The following ZNF415 variants were observed in gnomAD, a reference collection of about 807,000 sequenced individuals.
ZNF415 encodes zinc finger protein 415.
A neutral mutation model predicts 7.3 loss-of-function variants in ZNF415; 5 were observed. The ratio of observed to expected loss-of-function variants is 0.69; its 90% CI spans 0.36 to 1.44. The LOEUF (loss-of-function observed/expected upper bound fraction) is 1.44, where lower values mean the gene tolerates loss of function less well. Ranked by LOEUF, ZNF415 falls within the 40% of genes most tolerant of loss-of-function variation. The pLI, the probability that ZNF415 is intolerant of heterozygous loss-of-function variation, is 0.04. For missense variants in ZNF415, 628 were observed against 664.8 expected, an observed-to-expected ratio of 0.94 and a Z score of 0.61; for synonymous variants, 207 against 226.3, an observed-to-expected ratio of 0.91 and a Z score of 0.77.
chr19:53,111,340 CT>C (rs61112807), intron 3 of ZNF415, among the ~76,000 whole-genome samples: 13,006 of 104,876 alleles, frequency 0.12, 462 homozygotes, highest in Middle Eastern at 0.17. Flanking sequence ...TATGATATTT[CT>C]TTTTTTTTTT....
chr19:53,128,716 C>T (rs895999104), intron 1 of ZNF415, among the ~76,000 whole-genome samples: 2 of 115,502 alleles, frequency 1.7e-5, no homozygotes, highest in Middle Eastern at 4.4e-3. Context: ...TCTGCTCTTA[C>T]ATAGACTGGA....
At chr19:53,116,182 G>C (rs1457619008) in intron 3 of ZNF415, 131 bp downstream of exon 3, 2 of 1,075,358 alleles carry the variant, frequency 1.9e-6, no homozygotes, top group Non-Finnish European at 1.4e-6. Context: ...TCACATTATG[G>C]AGCTTTTCAT....
At chr19:53,127,660 C>T (rs566603187) in intron 1 of ZNF415, among the ~76,000 whole-genome samples, 21 of 152,254 alleles carry the variant, frequency 1.4e-4, no homozygotes, top group African/African-American at 4.6e-4. Context: ...AGGCAGATCA[C>T]GAAGTCAGGA....
chr19:53,114,525 G>A (rs1446920919), intron 3 of ZNF415, among the ~76,000 whole-genome samples: 1 of 152,186 alleles, frequency 6.6e-6, no homozygotes, highest in Non-Finnish European at 1.5e-5. Context: ...AAATCAGGAA[G>A]AGCCAAGGTT....
At chr19:53,122,802 G>GCTTGTCAC in intron 1 of ZNF415, 59 bp from the exon 2 acceptor site, 1 of 1,333,408 alleles carries the variant, frequency 7.5e-7, no homozygotes, top group Non-Finnish European at 1.1e-6. Flanking sequence ...CCTCTTGTGT[G>GCTTGTCAC]ACAAGCACAC....
intron 3 of ZNF415, among the ~76,000 whole-genome samples, chr19:53,112,308 C>G (rs2086352751): frequency 6.6e-6 from 1 of 151,868 alleles, no homozygotes; most frequent in African/African-American, 2.4e-5. Context: ...TGGACATGTG[C>G]AGTGTGGAAA....
At position 53,109,644 on chromosome 19, in the gene ZNF415, G is replaced by C. The variant is rs1439343450; in HGVS notation, c.401C>G (p.Ser134Cys). 1 of 1,614,124 alleles carries C rather than the reference G, an allele frequency of 6.2e-7. No homozygotes were observed. The highest frequency in any genetic ancestry group is 1.7e-5 in the Admixed American group (1 of 60,012). ...QRDRRGIGNK[S>C]IKHQLGLSFL... Reference sequence around the variant, plus strand: ...GCTTAATCCAAGCTGATGTTTAATAGACTTGTTTCCTATACCTCTTCTATC... The same window carrying C: ...GCTTAATCCAAGCTGATGTTTAATACACTTGTTTCCTATACCTCTTCTATC... The change falls in exon 4 of 4, where the codon TCT becomes TGT. Residue 134 changes from serine (S) to cysteine (C), a missense_variant. Transcript: ENST00000243643.
At position 53,109,458 on chromosome 19, in the gene ZNF415, T is replaced by C. The variant is rs1299494062; in HGVS notation, c.587A>G (p.Asp196Gly). 3 of 1,614,104 alleles carry C rather than the reference T, an allele frequency of 1.9e-6. No individual in the cohort carries two copies. The highest frequency in any genetic ancestry group is 1.7e-6 in the Non-Finnish European group (2 of 1,179,998). ...TGTGAGTAATGAAGAACAGATGAAATCAGTCCCATATTTATTAGAAACATG... is the reference window on the plus strand; with the variant it reads ...TGTGAGTAATGAAGAACAGATGAAACCAGTCCCATATTTATTAGAAACATG... ...KTHVSNKYGT[D>G]FICSSLLTQE... The change falls in exon 4 of 4, where the codon GAT becomes GGT. Residue 196 changes from aspartate to glycine, a missense_variant. Asp to Gly is a moderately conservative substitution (Grantham distance 94, BLOSUM62 -1). Transcript: ENST00000243643.
chr19:53,128,198 G>T (rs2089519765), intron 1 of ZNF415, among the ~76,000 whole-genome samples: 1 of 151,282 alleles, frequency 6.6e-6, no homozygotes, highest in Admixed American at 6.6e-5. Context: ...AGGGCCTCTG[G>T]ACAAAAGCAG....
At chr19:53,127,514 C>T (rs1004347769) in intron 1 of ZNF415, among the ~76,000 whole-genome samples, 16 of 152,136 alleles carry the variant, frequency 1.1e-4, no homozygotes, top group Non-Finnish European at 2.1e-4. Context: ...TGCACGTGCC[C>T]CAATGAGATC....
Position 53,108,924 on chromosome 19 carries a change from T to A in ZNF415, c.1121A>T (p.His374Leu), listed in dbSNP as rs956402536. ...VFSQTSSLAT[H>L]QRIHTGEKPY... ...TTTCTCCCCAGTGTGAATTCTCTGA[T>A]GAGTTGCAAGGCTTGAAGTCTGACT... The change falls in exon 4 of 4, where the codon CAT becomes CTT. Residue 374 changes from histidine to leucine, a missense_variant. By Grantham distance (99) the His-to-Leu change is moderately conservative. Transcript: ENST00000243643. 1 of 1,614,040 alleles carries A rather than the reference T, an allele frequency of 6.2e-7. No individual in the cohort carries two copies. Among genetic ancestry groups the A allele is most frequent in the African/African-American group, 1.3e-5 (1 of 74,926 alleles).
intron 2 of ZNF415, among the ~76,000 whole-genome samples, chr19:53,121,619 G>A (rs946240608): frequency 3.3e-5 from 5 of 151,692 alleles, no homozygotes; most frequent in East Asian, 2.0e-4. Flanking sequence ...GTAAAGACGG[G>A]GTTTCACCAT....
intron 1 of ZNF415, among the ~76,000 whole-genome samples, chr19:53,126,246 CTTACCAACCTGTGG>C (rs960676239): frequency 5.9e-5 from 9 of 151,498 alleles, no homozygotes; most frequent in African/African-American, 2.2e-4. Flanking sequence ...GACCACTCTG[CTTACCAACCTGTGG>C]AAGGGCAAGC....
Position 53,109,126 on chromosome 19 carries a change from T to C in ZNF415, c.919A>G (p.Lys307Glu), listed in dbSNP as rs372002538. Reference sequence around the variant, plus strand: ...AGGCATGAATTTCGACTGAAGACCTTGTCACACTCATAACATTTGTAAGGT... The same window carrying C: ...AGGCATGAATTTCGACTGAAGACCTCGTCACACTCATAACATTTGTAAGGT... Reference protein sequence around the residue: ...EKPYKCYECDKVFSRNSCLAL... With the variant: ...EKPYKCYECDEVFSRNSCLAL... Residue 307 changes from lysine (K) to glutamate (E), a missense_variant, in exon 4 of 4, where the codon AAG becomes GAG. Lys to Glu is a moderately conservative substitution (Grantham distance 56). Coordinates refer to ENST00000243643, the MANE Select transcript of ZNF415 (RefSeq NM_018355.4). The C allele has an allele frequency of 1.9e-6, 3 of 1,614,072 alleles. No homozygotes were observed. Among genetic ancestry groups the C allele is most frequent in the Admixed American group, 1.7e-5 (1 of 60,016 alleles).
At chr19:53,111,534 G>A (rs949564743) in intron 3 of ZNF415, among the ~76,000 whole-genome samples, 4 of 151,780 alleles carry the variant, frequency 2.6e-5, no homozygotes, top group Non-Finnish European at 5.9e-5. Context: ...GTAGAGATGG[G>A]GTTTCAGTAT....
chr19:53,110,359 C>T (rs890792510), intron 3 of ZNF415, among the ~76,000 whole-genome samples: 3 of 151,962 alleles, frequency 2.0e-5, no homozygotes, highest in East Asian at 1.9e-4. Context: ...AACAAACTTA[C>T]GGAATAAGTA....
chr19:53,109,050 T>G lies in ZNF415; in HGVS notation c.995A>C (p.Glu332Ala), dbSNP rs992121239. 1 of 1,613,796 alleles carries G rather than the reference T, an allele frequency of 6.2e-7. No individual in the cohort carries two copies. Among genetic ancestry groups the G allele is most frequent in the Admixed American group, 1.7e-5 (1 of 60,006 alleles). ...HIGEKPYTCKECGKAFSVRST... is the reference protein window; with the variant it reads ...HIGEKPYTCKACGKAFSVRST... ...CCTCACACTAAAGGCTTTGCCACACTCTTTACATGTGTAAGGTTTCTCTCC... is the reference window on the plus strand; with the variant it reads ...CCTCACACTAAAGGCTTTGCCACACGCTTTACATGTGTAAGGTTTCTCTCC... The change falls in exon 4 of 4, where the codon GAG becomes GCG. Residue 332 changes from glutamate (E) to alanine (A), a missense_variant. Glu to Ala is a moderately radical substitution (Grantham distance 107). Transcript: ENST00000243643.
rs538828206 is a variant in ZNF415, at chr19:53,128,166, G to GCA, written c.-68+4688_-68+4689dup. Among the ~76,000 whole-genome samples the GCA allele has an allele frequency of 1.6e-3, 249 of 152,158 alleles. 2 individuals carry two copies. The highest frequency in any genetic ancestry group is 1.3e-3 in the Non-Finnish European group (89 of 68,018). On this transcript the variant is annotated intron_variant, in intron 1 of 3. Coordinates refer to ENST00000243643, the MANE Select transcript of ZNF415 (RefSeq NM_018355.4). ...TCTACTTCTCTTCCATGCATGAAGA[G>GCA]CACACTAGGCTGAAAGGCAAAAGGG...
intron 2 of ZNF415, among the ~76,000 whole-genome samples, chr19:53,121,998 G>A (rs964561665): frequency 6.6e-6 from 1 of 151,908 alleles, no homozygotes; most frequent in Non-Finnish European, 1.5e-5. Flanking sequence ...TGTAATCCCA[G>A]CACTTTGGGA....
Sources: gnomAD v4.1 joint callset for allele counts (sites outside exome capture counted in the v4.1 genomes callset) on GRCh38, gnomAD v4.1.1 for gene constraint, MANE v1.5 for transcripts, NCBI Gene and HGNC (gene_info 2026-07-23, HGNC 2026-07-21) for gene names.